HECTD3: variants seen among roughly 807,000 people sequenced by gnomAD.
HECTD3 encodes E3 ubiquitin-protein ligase HECTD3.
In HECTD3, 72 loss-of-function variants were observed where a neutral mutation model predicts 109.3. The observed-to-expected ratio is 0.66, with a 90% CI of 0.54 to 0.80. The LOEUF is 0.80. HECTD3 is among the 30% of genes least tolerant of loss of function. The pLI, the probability that HECTD3 is intolerant of heterozygous loss-of-function variation, is 0.00. For missense variants in HECTD3, 1,041 were observed against 1,165.2 expected (o/e 0.89, Z 1.55); for synonymous variants, 481 against 471.8 (o/e 1.02, Z -0.25).
In HECTD3 at chr1:45,003,966, T is replaced by C. The variant is rs369530631; in HGVS notation, c.2348-30A>G. The C allele has an allele frequency of 5.0e-6, 8 of 1,613,180 alleles. No individual in the cohort carries two copies. The African/African-American group carries it at 8.0e-5, about 16-fold the overall frequency. On this transcript the variant is annotated intron_variant, in intron 18 of 20. Transcript: ENST00000372172. This position sits in a 1 kb window ranked among gnomAD's most constrained non-coding sequence, Gnocchi z 4.7. ...AGGGAGAAGGAAATCAGTGCCTGCA[T>C]GGATGGTGAGGGAGGGTCTACAACT... is the stretch of plus-strand genomic sequence containing the variant.
Position 45,006,133 on chromosome 1 carries a change from G to A in HECTD3, c.1726-17C>T. The A allele has an allele frequency of 6.2e-7, 1 of 1,611,010 alleles. No individual in the cohort carries two copies. The highest frequency in any genetic ancestry group is 8.5e-7 in the Non-Finnish European group (1 of 1,177,594). On this transcript the variant is annotated splice_polypyrimidine_tract_variant and intron_variant, in intron 13 of 20. Coordinates refer to ENST00000372172, the MANE Select transcript of HECTD3 (RefSeq NM_024602.6). The surrounding 1 kb of genome is among the most constrained non-coding windows in gnomAD (Gnocchi z 4.7). Reference sequence around the variant, plus strand: ...GCCATTGCCCTGCCCCAGAGACAGAGCTGTGAGTGTGGCATGAGATACACC... The same window carrying A: ...GCCATTGCCCTGCCCCAGAGACAGAACTGTGAGTGTGGCATGAGATACACC...
chr1:45,005,846 G>A lies in HECTD3; in HGVS notation c.1883C>T (p.Ser628Phe). The change falls in exon 15 of 21, where the codon TCT becomes TTT. Residue 628 changes from serine (S) to phenylalanine (F), a missense_variant. Transcript: ENST00000372172. ...CTTGCTCCAGCTCACCTCCTCACCA[G>A]AAAGCTGCTTCCACACAAAACCAGG... ...ALPGFVWKQLSGEEVSWSKDF... is the reference protein window; with the variant it reads ...ALPGFVWKQLFGEEVSWSKDF... The A allele has an allele frequency of 6.2e-7, 1 of 1,609,488 alleles. No homozygotes were observed. Among genetic ancestry groups the A allele is most frequent in the South Asian group, 1.1e-5 (1 of 90,248 alleles).
chr1:45,004,374 C>T lies in HECTD3; in HGVS notation c.2146G>A (p.Ala716Thr), dbSNP rs1465328338. The change falls in exon 17 of 21, where the codon GCA becomes ACA. Residue 716 changes from alanine (A) to threonine (T), a missense_variant. Physicochemically the swap from Ala to Thr is moderately conservative, Grantham distance 58. Coordinates refer to ENST00000372172, the MANE Select transcript of HECTD3 (RefSeq NM_024602.6). ...TTCAGCAGACCTGCCTGCATAGCTG[C>T]CACCTGGGGAGTGGGTAAAAAGGCT... is the stretch of plus-strand genomic sequence containing the variant. Reference protein sequence around the residue: ...ARLEESKEQVAAMQAGLLKVV... With the variant: ...ARLEESKEQVTAMQAGLLKVV... 1 of 1,614,002 alleles carries T rather than the reference C, an allele frequency of 6.2e-7. No individual in the cohort carries two copies. The highest frequency in any genetic ancestry group is 1.3e-5 in the African/African-American group (1 of 74,938).
At position 45,007,201 on chromosome 1, in the gene HECTD3, CT is replaced by C. The variant is rs775400761; in HGVS notation, c.1556+17del. 53 of 1,607,972 alleles carry C rather than the reference CT, an allele frequency of 3.3e-5. No individual in the cohort carries two copies. Among genetic ancestry groups the C allele is most frequent in the Non-Finnish European group, 4.4e-5 (52 of 1,175,488 alleles). ...ACAAACAGGTGTCCCGAGTAAGTCC[CT>C]CACTCTCATGCCATACCTGTAGTCC... On this transcript the variant is annotated intron_variant, in intron 11 of 20. Transcript: ENST00000372172.
chr1:45,010,502 G>T (rs755314099), intron 2 of HECTD3, 44 bp downstream of exon 2: 88 of 1,609,860 alleles, frequency 5.5e-5, no homozygotes, highest in Non-Finnish European at 6.9e-5. Context: ...AGCCCTCCTG[G>T]CCCGGCCTTC....
In HECTD3 at chr1:45,010,054, C is replaced by A. The variant is rs750230915; in HGVS notation, c.691G>T (p.Gly231Cys). ...DLIHFLYDHL[G>C]KEDENLGSVK... ...CTACCCAGGTTCTCATCCTCCTTGC[C>A]CAGGTGGTCATACAAGAAGTGGATC... The change falls in exon 4 of 21, where the codon GGC becomes TGC. Residue 231 changes from glycine (G) to cysteine (C), a missense_variant. Physicochemically the swap from Gly to Cys is radical, Grantham distance 159. Transcript: ENST00000372172. 2.5e-6 allele frequency: 4 copies of A among 1,570,138 alleles called. No individual in the cohort carries two copies. Among genetic ancestry groups the A allele is most frequent in the African/African-American group, 1.3e-5 (1 of 74,180 alleles).
At chr1:45,009,042 C>T (rs1644759938) in intron 7 of HECTD3, 102 bp downstream of exon 7, 12 of 970,328 alleles carry the variant, frequency 1.2e-5, no homozygotes, top group Non-Finnish European at 1.6e-5. Flanking sequence ...GCATCGCCTT[C>T]ACCCCAACTC....
Position 45,007,603 on chromosome 1 carries a change from G to A in HECTD3, c.1321-8C>T, listed in dbSNP as rs779282305. 1.2e-6 allele frequency: 2 copies of A among 1,605,258 alleles called. No individual in the cohort carries two copies. Among genetic ancestry groups the A allele is most frequent in the Non-Finnish European group, 1.7e-6 (2 of 1,179,278 alleles). On this transcript the variant is annotated splice_polypyrimidine_tract_variant and splice_region_variant and intron_variant, in intron 9 of 20. Transcript: ENST00000372172. ...TAGGAACTGCTTCACTTGCTAGTGA[G>A]GAGAGGTGGCCAGAGCAGGAATGAG...
At chr1:45,005,606 G>C (rs1644728577) in intron 15 of HECTD3, 188 bp downstream of exon 15, 2 of 505,462 alleles carry the variant, frequency 4.0e-6, no homozygotes, top group South Asian at 4.0e-5. Context: ...CCCAGGCTTA[G>C]GAGAGGCTGG....
At position 45,003,568 on chromosome 1, in the gene HECTD3, A is replaced by G. The variant is rs200372957; in HGVS notation, c.2510T>C (p.Val837Ala). ...LFLPHYASAK[V>A]CEEKLRYAAY... ...CGCATAGCGGAGCTTCTCCTCGCATACCTTGGCACTGTGGGAATGGGGACT... is the reference window on the plus strand; with the variant it reads ...CGCATAGCGGAGCTTCTCCTCGCATGCCTTGGCACTGTGGGAATGGGGACT... Residue 837 changes from valine to alanine, a missense_variant, in exon 21 of 21, where the codon GTA (valine) becomes GCA (alanine). Val to Ala is a moderately conservative substitution (Grantham distance 64). Coordinates refer to ENST00000372172, the MANE Select transcript of HECTD3 (RefSeq NM_024602.6). This position sits in a 1 kb window ranked among gnomAD's most constrained non-coding sequence, Gnocchi z 4.7. 1.6e-4 allele frequency: 262 copies of G among 1,614,028 alleles called. No homozygotes were observed. Among genetic ancestry groups the G allele is most frequent in the Non-Finnish European group, 1.9e-4 (226 of 1,180,020 alleles).
In HECTD3 at chr1:45,011,281, C is replaced by T. The variant is rs1644791541; in HGVS notation, c.-24G>A. 5 of 1,351,832 alleles carry T rather than the reference C, an allele frequency of 3.7e-6. No individual in the cohort carries two copies. Among genetic ancestry groups the T allele is most frequent in the Admixed American group, 8.0e-5 (2 of 24,942 alleles). The allele number at this position is 1,351,832 out of a possible 1,614,324, so 83.7% of individuals were successfully genotyped here. On this transcript the variant is annotated 5_prime_UTR_variant, in exon 1 of 21. Coordinates refer to ENST00000372172, the MANE Select transcript of HECTD3 (RefSeq NM_024602.6). ...ATGGCGAAGTGGCGGAGGTGAGCACCTAGAGGCGACCCTGCCCGGGGAACA... is the reference window on the plus strand; with the variant it reads ...ATGGCGAAGTGGCGGAGGTGAGCACTTAGAGGCGACCCTGCCCGGGGAACA...
chr1:45,008,350 A>G (rs1002303555), intron 8 of HECTD3, 29 bp from the exon 9 acceptor site: 3 of 1,589,162 alleles, frequency 1.9e-6, no homozygotes, highest in Non-Finnish European at 2.6e-6. Flanking sequence ...CTGCAGCTAA[A>G]GAGTTTAGCA....
Position 45,011,106 on chromosome 1 carries a change from A to T in HECTD3, c.152T>A (p.Leu51His). 1 of 1,508,734 alleles carries T rather than the reference A, an allele frequency of 6.6e-7. No individual in the cohort carries two copies. Among genetic ancestry groups the T allele is most frequent in the Non-Finnish European group, 8.8e-7 (1 of 1,136,304 alleles). 93.5% of individuals were successfully genotyped at this position (1,508,734 alleles called of 1,614,324 possible). A position where few individuals can be genotyped will look rare whatever the true frequency, so the allele number is the denominator to read the frequency against. Residue 51 changes from leucine to histidine, a missense_variant, in exon 1 of 21, where the codon CTT (leucine) becomes CAT (histidine). Transcript: ENST00000372172. ...AFVPREVLYK[L>H]YKDPAGPSRV... ...CGACGGTCCCGCTGGGTCCTTGTAA[A>T]GCTTGTAGAGCACCTCTCGCGGCAC...
rs1015738395 is a variant in HECTD3, at chr1:45,011,304, A to G, written c.-47T>C. The G allele has an allele frequency of 9.6e-6, 13 of 1,349,864 alleles. No homozygotes were observed. Among genetic ancestry groups the G allele is most frequent in the Non-Finnish European group, 1.2e-5 (13 of 1,056,250 alleles). 83.6% of individuals were successfully genotyped at this position (1,349,864 alleles called of 1,614,324 possible). A position where few individuals can be genotyped will look rare whatever the true frequency, so the allele number is the denominator to read the frequency against. On this transcript the variant is annotated 5_prime_UTR_variant, in exon 1 of 21. Transcript: ENST00000372172. The stretch of plus-strand genomic sequence containing the variant: ...ACCTAGAGGCGACCCTGCCCGGGGA[A>G]CAGCTGGCGCGACCGCGGACAGAGC...
chr1:45,008,317 T>G lies in HECTD3; in HGVS notation c.1243A>C (p.Ile415Leu), dbSNP rs867135080. 1.9e-6 allele frequency: 3 copies of G among 1,613,630 alleles called. No homozygotes were observed. The highest frequency in any genetic ancestry group is 2.7e-5 in the African/African-American group (2 of 74,906). ...TGCAGGACACTATCGAGGATCTTGA[T>G]GAATCTGGCATGGGTAGATAGACTG... ...YRRAVLLQRF[I>L]KILDSVLHHL... The change falls in exon 9 of 21, where the codon ATC becomes CTC. Residue 415 changes from isoleucine (I) to leucine (L), a missense_variant. Physicochemically the swap from Ile to Leu is conservative, Grantham distance 5. Around this residue, in one of 2 missense-constraint regions of HECTD3, gnomAD observed 569 missense variants for 715.3 expected, o/e 0.80. Coordinates refer to ENST00000372172, the MANE Select transcript of HECTD3 (RefSeq NM_024602.6).
intron 4 of HECTD3, 72 bp from the exon 5 acceptor site, chr1:45,009,755 G>T: frequency 8.0e-7 from 1 of 1,252,662 alleles, no homozygotes; most frequent in Non-Finnish European, 1.1e-6. Context: ...TCTGGGCCAG[G>T]AGCACCAGAG....
At chr1:45,008,728 A>G in intron 7 of HECTD3, 27 bp from the exon 8 acceptor site, 1 of 1,601,508 alleles carries the variant, frequency 6.2e-7, no homozygotes, top group Non-Finnish European at 8.5e-7. Flanking sequence ...GAGTAAGGTC[A>G]TTTACAGCAC....
Position 45,004,651 on chromosome 1 carries a change from AG to A in HECTD3, c.2090del (p.Ser697PhefsTer12), listed in dbSNP as rs1644719537. 1.9e-6 allele frequency: 3 copies of A among 1,614,078 alleles called. No individual in the cohort carries two copies. Among genetic ancestry groups the A allele is most frequent in the Non-Finnish European group, 2.5e-6 (3 of 1,180,036 alleles). The stretch of plus-strand genomic sequence containing the variant: ...CCTTCTGGACCAGTTGGATGAAACG[AG>A]AACGGTCCCCATATCCCACGACGAT... ...AGIVVGYGDR[S>X]RFIQLVQKAR... On this transcript the variant is annotated frameshift_variant, in exon 16 of 21. Coordinates refer to ENST00000372172, the MANE Select transcript of HECTD3 (RefSeq NM_024602.6). LOFTEE classifies it high-confidence loss of function.
chr1:45,007,995 G>A (rs138037723), intron 9 of HECTD3, among the ~76,000 whole-genome samples: 388 of 152,212 alleles, frequency 2.5e-3, no homozygotes, highest in African/African-American at 9.0e-3. Flanking sequence ...TACCTTTCAC[G>A]CAAACTGCCC....
Sources: allele counts gnomAD v4.1 joint callset (sites outside exome capture counted in the v4.1 genomes callset), GRCh38; gene constraint gnomAD v4.1.1; regional missense constraint gnomAD v4.1.1; non-coding constraint Gnocchi (gnomAD v3.1); transcripts MANE v1.5; gene names NCBI Gene and HGNC (gene_info 2026-07-23, HGNC 2026-07-21).